QRFPR: variants seen among roughly 807,000 people sequenced by gnomAD.
The protein encoded by QRFPR is pyroglutamylated RF-amide peptide receptor.
A neutral mutation model predicts 31.3 loss-of-function variants in QRFPR; 37 were observed. The observed-to-expected ratio is 1.18, with a 90% CI of 0.91 to 1.56. The LOEUF is 1.56. QRFPR is among the 40% of genes most tolerant of loss of function. QRFPR has a pLI of 0.00. For missense variants in QRFPR, 542 were observed against 532.5 expected, an observed-to-expected ratio of 1.02 and a Z score of -0.18; for synonymous variants, 197 against 192.0, an observed-to-expected ratio of 1.03 and a Z score of -0.22.
chr4:121,360,064 A>C (rs1560741551), intron 1 of QRFPR, among the ~76,000 whole-genome samples: 2 of 152,168 alleles, frequency 1.3e-5, no homozygotes, highest in Non-Finnish European at 2.9e-5. Context: ...CACATAACAC[A>C]GTCCAAAATT....
chr4:121,379,594 G>C (rs1290485133), intron 1 of QRFPR, among the ~76,000 whole-genome samples: 2 of 152,160 alleles, frequency 1.3e-5, no homozygotes, highest in African/African-American at 4.8e-5. Flanking sequence ...TCCCAACTCA[G>C]TGACTCCACC....
rs185639149 is a variant in QRFPR at position 121,377,823 on chromosome 4, A to T, written c.340+2485T>A. ...AAGGTAGAACACTTTTCCAGATAGG[A>T]GATCCTCAATAGCTTTGTAAAATAA... On this transcript the variant is annotated intron_variant, in intron 1 of 5. Transcript: ENST00000394427. Among the ~76,000 whole-genome samples, 72 of 152,314 alleles carry T rather than the reference A, an allele frequency of 4.7e-4. 1 individual carries two copies. Among genetic ancestry groups the T allele is most frequent in the African/African-American group, 1.6e-3 (68 of 41,570 alleles).
At chr4:121,365,510 A>AATATATAT (rs1726078883) in intron 1 of QRFPR, among the ~76,000 whole-genome samples, 4 of 2,724 alleles carry the variant, frequency 1.5e-3, no homozygotes, top group Non-Finnish European at 1.9e-3. Context: ...AATATATATA[A>AATATATAT]TATATATTAT....
chr4:121,377,656 G>A (rs767961199), intron 1 of QRFPR, among the ~76,000 whole-genome samples: 1 of 151,986 alleles, frequency 6.6e-6, no homozygotes, highest in Non-Finnish European at 1.5e-5. Flanking sequence ...CATCCTTCAG[G>A]AAGCCTTCCT....
At chr4:121,344,991 A>T (rs1725617302) in intron 1 of QRFPR, among the ~76,000 whole-genome samples, 1 of 152,138 alleles carries the variant, frequency 6.6e-6, no homozygotes, top group African/African-American at 2.4e-5. Flanking sequence ...TCCTTACAGG[A>T]TAATTAGATG....
At chr4:121,340,200 C>A in intron 2 of QRFPR, 4 of 408,658 alleles carry the variant, frequency 9.8e-6, no homozygotes, top group South Asian at 3.0e-5. Context: ...ATTAGCTGAA[C>A]ATAGTGCTTA....
intron 1 of QRFPR, chr4:121,370,015 G>C (rs902274873): frequency 2.1e-4 from 163 of 770,684 alleles, no homozygotes; most frequent in Non-Finnish European, 3.4e-4. Flanking sequence ...GGTCTGTTTT[G>C]TGATCACATA....
chr4:121,359,970 A>AT (rs146830556), intron 1 of QRFPR, among the ~76,000 whole-genome samples: 42,903 of 151,552 alleles, frequency 0.28, 6,508 homozygotes, highest in Middle Eastern at 0.38. Context: ...AAACACTATT[A>AT]TTTTTTTCAG....
chr4:121,353,185 C>T (rs546647705), intron 1 of QRFPR, among the ~76,000 whole-genome samples: 6 of 152,188 alleles, frequency 3.9e-5, no homozygotes, highest in African/African-American at 1.2e-4. Context: ...CATGGGAATG[C>T]AGCTATCTCT....
chr4:121,330,193 A>G (rs562993864), intron 5 of QRFPR, among the ~76,000 whole-genome samples: 2 of 152,362 alleles, frequency 1.3e-5, no homozygotes, highest in East Asian at 3.9e-4. Flanking sequence ...AAGGAGTAAC[A>G]TGGGAGAGGA....
intron 2 of QRFPR, among the ~76,000 whole-genome samples, chr4:121,337,799 C>G (rs954776385): frequency 2.0e-5 from 3 of 151,986 alleles, no homozygotes; most frequent in African/African-American, 7.2e-5. Flanking sequence ...CTTCCACGAA[C>G]TTGTTGAGAG....
In QRFPR at chr4:121,330,419, C is replaced by G; in HGVS notation, c.895+7G>C. ...ATGTCTATCAAATGAGAATGACAAG[C>G]ACTCACTGTATTCAATCATCATATG... On this transcript the variant is annotated splice_region_variant and intron_variant, in intron 5 of 5. Coordinates refer to ENST00000394427, the MANE Select transcript of QRFPR (RefSeq NM_198179.3). 1 of 1,574,378 alleles carries G rather than the reference C, an allele frequency of 6.4e-7. No individual in the cohort carries two copies. The highest frequency in any genetic ancestry group is 8.7e-7 in the Non-Finnish European group (1 of 1,144,586).
intron 1 of QRFPR, among the ~76,000 whole-genome samples, chr4:121,378,774 T>A (rs1207965921): frequency 6.6e-6 from 1 of 152,096 alleles, no homozygotes; most frequent in Non-Finnish European, 1.5e-5. Flanking sequence ...TACTGAAAAA[T>A]TGAGACCCAG....
intron 1 of QRFPR, among the ~76,000 whole-genome samples, chr4:121,375,621 C>G (rs114881883): frequency 6.6e-6 from 1 of 152,100 alleles, no homozygotes; most frequent in African/African-American, 2.4e-5. Flanking sequence ...AAGACCATGG[C>G]TTATGATATT....
In QRFPR at chr4:121,380,315, C is replaced by T; in HGVS notation, c.333G>A (p.Trp111Ter). The change falls in exon 1 of 6, where the codon TGG becomes TGA. Residue 111 changes from tryptophan to a stop codon, truncating the protein, a stop_gained. Transcript: ENST00000394427. LOFTEE classifies it high-confidence loss of function. ...VTMLQNISDN[W>*]LGGAFICKMV... is the part of the protein sequence containing the mutation. ...GCGGGGCGCGACTCTTACCCCCCAG[C>T]CAGTTGTCGGAAATGTTCTGGAGCA... The T allele has an allele frequency of 6.2e-7, 1 of 1,610,948 alleles. No homozygotes were observed. The highest frequency in any genetic ancestry group is 2.2e-5 in the East Asian group (1 of 44,788).
chr4:121,376,416 T>C (rs992413365), intron 1 of QRFPR, among the ~76,000 whole-genome samples: 1 of 152,204 alleles, frequency 6.6e-6, no homozygotes, highest in African/African-American at 2.4e-5. Context: ...GTGTAATTCA[T>C]GTAAAAACAT....
chr4:121,345,485 G>A (rs1265588968), intron 1 of QRFPR, among the ~76,000 whole-genome samples: 2 of 152,148 alleles, frequency 1.3e-5, no homozygotes, highest in Non-Finnish European at 2.9e-5. Flanking sequence ...TTCTCTGGAA[G>A]GTAGGTTTTT....
intron 1 of QRFPR, among the ~76,000 whole-genome samples, chr4:121,376,566 T>A (rs1047760801): frequency 6.6e-6 from 1 of 151,768 alleles, no homozygotes; most frequent in African/African-American, 2.4e-5. Context: ...TTCACTTTTT[T>A]AAAAAACAGG....
intron 1 of QRFPR, among the ~76,000 whole-genome samples, chr4:121,374,889 CCAGCCACTG>C (rs1457294820): frequency 6.6e-6 from 1 of 152,100 alleles, no homozygotes; most frequent in Non-Finnish European, 1.5e-5. Context: ...AGTCAATTTG[CCAGCCACTG>C]CTAGAAAATT....
Sources: gnomAD v4.1 joint callset for allele counts (sites outside exome capture counted in the v4.1 genomes callset) on GRCh38, gnomAD v4.1.1 for gene constraint, MANE v1.5 for transcripts, NCBI Gene and HGNC (gene_info 2026-07-23, HGNC 2026-07-21) for gene names.